DPF3: variants seen among roughly 807,000 people sequenced by gnomAD.
The protein encoded by DPF3 is zinc finger protein DPF3.
DPF3 carries 18 observed loss-of-function variants against 56.8 expected under a neutral mutation model. The observed-to-expected ratio is 0.32, with a 90% confidence interval of 0.22 to 0.47. The LOEUF (loss-of-function observed/expected upper bound fraction) is 0.47. DPF3 is among the 20% of genes least tolerant of loss of function. The pLI is 1.00. For missense variants in DPF3, 403 were observed against 488.8 expected, an observed-to-expected ratio of 0.82 and a Z score of 1.65; for synonymous variants, 188 against 180.2, an observed-to-expected ratio of 1.04 and a Z score of -0.35.
In DPF3 at chr14:72,617,164, T is replaced by G. The variant is rs1454349710; in HGVS notation, c.*2133A>C. Among the ~76,000 whole-genome samples, 69 of 152,188 alleles carry G rather than the reference T, an allele frequency of 4.5e-4. No individual in the cohort carries two copies. Among genetic ancestry groups the G allele is most frequent in the Admixed American group, 4.5e-3 (69 of 15,284 alleles). On this transcript the variant is annotated 3_prime_UTR_variant, in exon 11 of 11. Coordinates refer to ENST00000556509, the MANE Select transcript of DPF3 (RefSeq NM_001280542.3). ...GGCTGCCCTATCACCTGCACTTCTGTGGAAAACAAATTTGCACATACTCTG... is the reference window on the plus strand; with the variant it reads ...GGCTGCCCTATCACCTGCACTTCTGGGGAAAACAAATTTGCACATACTCTG...
intron 6 of DPF3, among the ~76,000 whole-genome samples, chr14:72,713,776 C>T (rs1164351389): frequency 6.6e-6 from 1 of 152,194 alleles, no homozygotes; most frequent in South Asian, 2.1e-4. Context: ...CCACCCACTG[C>T]CCTGGCTCCC....
chr14:72,768,370 G>C (rs562479679), intron 2 of DPF3, among the ~76,000 whole-genome samples: 1 of 152,214 alleles, frequency 6.6e-6, no homozygotes, highest in East Asian at 1.9e-4. Flanking sequence ...AAGGGAGGAG[G>C]GTAAAAGGAT....
intron 2 of DPF3, among the ~76,000 whole-genome samples, chr14:72,761,164 C>T (rs1333896558): frequency 6.6e-6 from 1 of 152,006 alleles, no homozygotes; most frequent in Non-Finnish European, 1.5e-5. Context: ...CTCAATGATT[C>T]ATAGAATAAA....
At chr14:72,889,883 C>A (rs1300715253) in intron 1 of DPF3, among the ~76,000 whole-genome samples, 1 of 152,162 alleles carries the variant, frequency 6.6e-6, no homozygotes, top group Non-Finnish European at 1.5e-5. Flanking sequence ...TCAATACAAT[C>A]ACGTATATGT....
At chr14:72,744,701 C>T (rs1205925184) in intron 3 of DPF3, among the ~76,000 whole-genome samples, 4 of 152,172 alleles carry the variant, frequency 2.6e-5, no homozygotes, top group South Asian at 2.1e-4. Context: ...CTCTGACCCT[C>T]GTTACCCCTG....
In DPF3 at chr14:72,612,633, G is replaced by T. The variant is rs766419038; in HGVS notation, c.*6664C>A. 1 of 518,738 alleles carries T rather than the reference G, an allele frequency of 1.9e-6. No individual in the cohort carries two copies. The highest frequency in any genetic ancestry group is 1.4e-5 in the South Asian group (1 of 71,566). 32.1% of individuals were successfully genotyped at this position (518,738 alleles called of 1,614,324 possible). On this transcript the variant is annotated 3_prime_UTR_variant, in exon 11 of 11. Transcript: ENST00000556509. ...CAGGAGGAGAATCAGGGTCTCAGTG[G>T]GGAGTAGACATGGAAGGGCAAACCA...
At chr14:72,888,047 T>C (rs6574104) in intron 1 of DPF3, among the ~76,000 whole-genome samples, 7 of 152,072 alleles carry the variant, frequency 4.6e-5, no homozygotes, top group South Asian at 4.2e-4. Flanking sequence ...GGGTGCAAAG[T>C]GGGGATTAGA....
intron 1 of DPF3, among the ~76,000 whole-genome samples, chr14:72,816,641 GAA>G (rs371902823): frequency 1.4e-5 from 2 of 138,052 alleles, no homozygotes; most frequent in African/African-American, 2.6e-5. Context: ...GGCATAAATG[GAA>G]AAAAAAAAAA....
chr14:72,715,015 T>G (rs1001386538), intron 5 of DPF3, among the ~76,000 whole-genome samples: 10 of 152,226 alleles, frequency 6.6e-5, no homozygotes, highest in African/African-American at 1.9e-4. Context: ...TCTGTGTCCA[T>G]CCCCGCAGTG....
intron 5 of DPF3, among the ~76,000 whole-genome samples, chr14:72,720,304 G>C (rs1168283217): frequency 6.6e-6 from 1 of 151,982 alleles, no homozygotes; most frequent in Non-Finnish European, 1.5e-5. Flanking sequence ...ATCAGCCTGA[G>C]CAACAGAGTG....
At chr14:72,849,494 T>A (rs544041822) in intron 1 of DPF3, among the ~76,000 whole-genome samples, 1 of 152,324 alleles carries the variant, frequency 6.6e-6, no homozygotes, top group East Asian at 1.9e-4. Context: ...GCCGCCTTCC[T>A]GCCTGTCTTT....
chr14:72,888,547 T>C (rs778629616), intron 1 of DPF3, among the ~76,000 whole-genome samples: 1 of 152,210 alleles, frequency 6.6e-6, no homozygotes, highest in Non-Finnish European at 1.5e-5. Flanking sequence ...ACAATATCAG[T>C]CTCTCTTGCA....
At chr14:72,768,061 C>T (rs749057885) in intron 2 of DPF3, among the ~76,000 whole-genome samples, 3 of 152,102 alleles carry the variant, frequency 2.0e-5, no homozygotes, top group African/African-American at 4.8e-5. Context: ...AAAATATCCT[C>T]CAGGAATGAT....
chr14:72,648,777 A>G (rs1400731881), intron 8 of DPF3, among the ~76,000 whole-genome samples: 1 of 151,202 alleles, frequency 6.6e-6, no homozygotes, highest in Non-Finnish European at 1.5e-5. Flanking sequence ...TGCATCGTCA[A>G]TGTCTCTCTC....
At chr14:72,754,909 T>C (rs538985930) in intron 2 of DPF3, among the ~76,000 whole-genome samples, 1 of 152,366 alleles carries the variant, frequency 6.6e-6, no homozygotes, top group Non-Finnish European at 1.5e-5. Flanking sequence ...TTGGAGGTTC[T>C]GACCACCCCA....
chr14:72,825,963 C>T (rs995190334), intron 1 of DPF3, among the ~76,000 whole-genome samples: 1 of 151,648 alleles, frequency 6.6e-6, no homozygotes, highest in Non-Finnish European at 1.5e-5. Context: ...CTTGAGAGTC[C>T]AGGAACTGCT....
At chr14:72,805,471 C>CAA (rs1156474359) in intron 1 of DPF3, among the ~76,000 whole-genome samples, 12 of 135,938 alleles carry the variant, frequency 8.8e-5, no homozygotes, top group Admixed American at 1.5e-4. Flanking sequence ...ACTCTACCTC[C>CAA]AAAAAAAAAA....
intron 1 of DPF3, among the ~76,000 whole-genome samples, chr14:72,882,399 T>C (rs1215101175): frequency 1.3e-5 from 2 of 152,194 alleles, no homozygotes; most frequent in Non-Finnish European, 2.9e-5. Flanking sequence ...ATTTCAGAAG[T>C]GTTAGAAGAA....
In DPF3 at chr14:72,731,891, G is replaced by A. The variant is rs1567214859; in HGVS notation, c.345C>T (p.Ser115=). ...CACGGAGCAAGGCTTCCAGCGTGGT[G>A]CTCTCTGAGGTGAACCCATCCTTCT... is the stretch of plus-strand genomic sequence containing the variant. ...PLKKDGFTSE[S]TTLEALLRGE... Residue 115 remains serine, a synonymous_variant, in exon 4 of 11, where the codon AGC becomes AGT. Transcript: ENST00000556509. 2 of 1,605,210 alleles carry A rather than the reference G, an allele frequency of 1.2e-6. No individual in the cohort carries two copies. The highest frequency in any genetic ancestry group is 1.7e-6 in the Non-Finnish European group (2 of 1,175,850).
Sources: allele counts gnomAD v4.1 joint callset (sites outside exome capture counted in the v4.1 genomes callset), GRCh38; gene constraint gnomAD v4.1.1; transcripts MANE v1.5; gene names NCBI Gene and HGNC (gene_info 2026-07-23, HGNC 2026-07-21).